TOR1AIP1: variants seen among roughly 807,000 people sequenced by gnomAD.
TOR1AIP1 encodes torsin-1A-interacting protein 1.
TOR1AIP1 carries 54 observed loss-of-function variants against 63.3 expected under a neutral mutation model. The observed-to-expected ratio is 0.85, with a 90% CI of 0.69 to 1.07. The LOEUF is 1.07. Among genes scored for constraint, TOR1AIP1 ranks in the 50% least tolerant of loss-of-function variants. The pLI is 0.00. For missense variants in TOR1AIP1, 736 were observed against 715.0 expected (o/e 1.03, Z -0.33); for synonymous variants, 294 against 273.5 (o/e 1.07, Z -0.74).
At chr1:179,898,502 T>C (rs1648352218) in intron 3 of TOR1AIP1, among the ~76,000 whole-genome samples, 1 of 152,158 alleles carries the variant, frequency 6.6e-6, no homozygotes, top group Admixed American at 6.5e-5. Context: ...CTATAATAAT[T>C]ATGCACTTAG....
At chr1:179,914,273 T>C (rs927487230) in intron 9 of TOR1AIP1, among the ~76,000 whole-genome samples, 1 of 152,222 alleles carries the variant, frequency 6.6e-6, no homozygotes, top group Non-Finnish European at 1.5e-5. Flanking sequence ...TAACTGTCTA[T>C]AAGACCAAAA....
intron 8 of TOR1AIP1, among the ~76,000 whole-genome samples, chr1:179,913,175 G>T (rs912630823): frequency 1.3e-5 from 2 of 150,314 alleles, no homozygotes; most frequent in African/African-American, 4.9e-5. Flanking sequence ...TGTTGCCCAG[G>T]CTGGCCTTAA....
In TOR1AIP1 at chr1:179,893,079, A is replaced by G. The variant is rs555265140; in HGVS notation, c.610+3710A>G. On this transcript the variant is annotated intron_variant, in intron 3 of 9. Transcript: ENST00000606911. ...AACATAGTGAAACCCTGTCTCTACT[A>G]AAAATACAAAAAATTAGTCGGGCAT... Among the ~76,000 whole-genome samples, 4 of 152,112 alleles carry G rather than the reference A, an allele frequency of 2.6e-5. No individual in the cohort carries two copies. The South Asian group carries it at 8.3e-4, about 32-fold the overall frequency.
chr1:179,910,688 G>T (rs1021466129), intron 8 of TOR1AIP1, among the ~76,000 whole-genome samples: 1 of 152,124 alleles, frequency 6.6e-6, no homozygotes, highest in Non-Finnish European at 1.5e-5. Context: ...TAAATTTGAA[G>T]ACCCAAGAGA....
At chr1:179,909,165 A>G (rs1161889133) in intron 8 of TOR1AIP1, among the ~76,000 whole-genome samples, 1 of 152,080 alleles carries the variant, frequency 6.6e-6, no homozygotes, top group East Asian at 1.9e-4. Flanking sequence ...CATCTGAAAA[A>G]AAGAAAAAAA....
At chr1:179,886,180 A>T (rs1410811704) in intron 2 of TOR1AIP1, among the ~76,000 whole-genome samples, 1 of 152,202 alleles carries the variant, frequency 6.6e-6, no homozygotes, top group Non-Finnish European at 1.5e-5. Flanking sequence ...TTTGCAGTAG[A>T]TTTTATTGTA....
At chr1:179,913,607 CAAT>C (rs1415024624) in intron 8 of TOR1AIP1, 1 of 702,192 alleles carries the variant, frequency 1.4e-6, no homozygotes, top group Non-Finnish European at 2.6e-6. Context: ...GGCAAGAGTT[CAAT>C]ATATGGCAGT....
chr1:179,907,373 G>A (rs924970459), intron 6 of TOR1AIP1, among the ~76,000 whole-genome samples: 3 of 147,824 alleles, frequency 2.0e-5, no homozygotes, highest in Admixed American at 6.8e-5. Context: ...AGGTTGCAGT[G>A]AGCTGAGATT....
intron 6 of TOR1AIP1, among the ~76,000 whole-genome samples, chr1:179,904,475 G>T (rs1321801330): frequency 1.3e-5 from 2 of 151,934 alleles, no homozygotes; most frequent in Non-Finnish European, 2.9e-5. Context: ...CTTGGTTATG[G>T]GTATATAAAT....
At position 179,914,004 on chromosome 1, in the gene TOR1AIP1, G is replaced by A. The variant is rs939710453; in HGVS notation, c.914G>A (p.Ser305Asn). 2 of 1,613,500 alleles carry A rather than the reference G, an allele frequency of 1.2e-6. No individual in the cohort carries two copies. Among genetic ancestry groups the A allele is most frequent in the African/African-American group, 2.7e-5 (2 of 74,914 alleles). The change falls in exon 9 of 10, where the codon AGC becomes AAC. Residue 305 changes from serine (S) to asparagine (N), a missense_variant. Physicochemically the swap from Ser to Asn is conservative, Grantham distance 46. This residue lies in a region of TOR1AIP1 where 272 missense variants were observed against 344.1 expected (regional missense o/e 0.79). Transcript: ENST00000606911. Reference protein sequence around the residue: ...ARIRTRMQNDSILKSELGNQS... With the variant: ...ARIRTRMQNDNILKSELGNQS... ...TTATTACTCTCACCATTAGATGACA[G>A]CATTCTGAAATCAGAGCTTGGAAAC...
At chr1:179,903,104 C>T (rs1221685167) in intron 5 of TOR1AIP1, among the ~76,000 whole-genome samples, 1 of 151,722 alleles carries the variant, frequency 6.6e-6, no homozygotes, top group East Asian at 1.9e-4. Context: ...GTTATAAATT[C>T]TACTTTTATT....
At chr1:179,885,208 T>C (rs1001071808) in intron 2 of TOR1AIP1, among the ~76,000 whole-genome samples, 1 of 152,236 alleles carries the variant, frequency 6.6e-6, no homozygotes, top group Non-Finnish European at 1.5e-5. Context: ...GTCTTTTCAG[T>C]TTAATACTGT....
rs1339748582 is a variant in TOR1AIP1 at position 179,917,912 on chromosome 1, A to C, written c.1425A>C (p.Ala475=). 4 of 1,614,252 alleles carry C rather than the reference A, an allele frequency of 2.5e-6. No individual in the cohort carries two copies. Among genetic ancestry groups the C allele is most frequent in the East Asian group, 2.2e-5 (1 of 44,892 alleles). The change falls in exon 10 of 10, where the codon GCA becomes GCC. Residue 475 remains alanine (A), a synonymous_variant. Coordinates refer to ENST00000606911, the MANE Select transcript of TOR1AIP1 (RefSeq NM_015602.4). ...ATGGATTTAAGAATGGCCAGAATGCAGCTGTGGTACACCGCTTTGAGTCAT... is the reference window on the plus strand; with the variant it reads ...ATGGATTTAAGAATGGCCAGAATGCCGCTGTGGTACACCGCTTTGAGTCAT... ...LSNGFKNGQN[A]AVVHRFESFP...
chr1:179,886,742 C>T (rs550609214), intron 2 of TOR1AIP1, among the ~76,000 whole-genome samples: 54 of 152,132 alleles, frequency 3.5e-4, no homozygotes, highest in Non-Finnish European at 7.1e-4. Context: ...CATACTGTGC[C>T]TTCAGTATTA....
chr1:179,895,812 A>AT (rs1340302546), intron 3 of TOR1AIP1, among the ~76,000 whole-genome samples: 1 of 151,628 alleles, frequency 6.6e-6, no homozygotes, highest in Non-Finnish European at 1.5e-5. Flanking sequence ...AGGCAGGAGA[A>AT]TCACTTGAAC....
intron 3 of TOR1AIP1, among the ~76,000 whole-genome samples, chr1:179,890,805 A>G (rs1648052851): frequency 6.6e-6 from 1 of 152,110 alleles, no homozygotes; most frequent in African/African-American, 2.4e-5. Flanking sequence ...TTTTTTATAG[A>G]GATGGGGTTT....
At chr1:179,897,928 CT>C (rs2148475608) in intron 3 of TOR1AIP1, among the ~76,000 whole-genome samples, 1 of 152,148 alleles carries the variant, frequency 6.6e-6, no homozygotes, top group Admixed American at 6.5e-5. Context: ...CAAACAAAAC[CT>C]TGTCTCTACA....
intron 2 of TOR1AIP1, among the ~76,000 whole-genome samples, chr1:179,885,815 A>C (rs538244273): frequency 2.6e-5 from 4 of 152,096 alleles, no homozygotes; most frequent in African/African-American, 9.6e-5. Flanking sequence ...ATCTCCACTC[A>C]CTGCAACCTC....
intron 1 of TOR1AIP1, 33 bp from the exon 2 acceptor site, chr1:179,884,659 T>G: frequency 6.4e-7 from 1 of 1,564,794 alleles, no homozygotes; most frequent in Non-Finnish European, 8.7e-7. Flanking sequence ...TCATATATTC[T>G]GAATTTTAAC....
Sources: gnomAD v4.1 joint callset for allele counts (sites outside exome capture counted in the v4.1 genomes callset) on GRCh38, gnomAD v4.1.1 for gene constraint, gnomAD v4.1.1 regional missense constraint, MANE v1.5 for transcripts, NCBI Gene and HGNC (gene_info 2026-07-23, HGNC 2026-07-21) for gene names.